The following JMJD1C variants were observed in gnomAD, a reference collection of about 807,000 sequenced individuals.
JMJD1C encodes jumonji domain-containing protein 1C.
JMJD1C carries 31 observed loss-of-function variants against 245.3 expected under a neutral mutation model. The ratio of observed to expected loss-of-function variants is 0.13; its 90% CI spans 0.09 to 0.17. The LOEUF (loss-of-function observed/expected upper bound fraction) is 0.17. JMJD1C is among the 10% of genes least tolerant of loss of function. JMJD1C has a pLI of 1.00. For synonymous variants in JMJD1C, 1,057 were observed against 1,017.4 expected, an observed-to-expected ratio of 1.04 and a Z score of -0.74; for missense variants, 2,691 against 3,000.2, an observed-to-expected ratio of 0.90 and a Z score of 2.41.
Position 63,190,983 on chromosome 10 carries a change from C to T in JMJD1C, c.6202G>A (p.Asp2068Asn). 2 of 1,614,158 alleles carry T rather than the reference C, an allele frequency of 1.2e-6. No individual in the cohort carries two copies. Among genetic ancestry groups the T allele is most frequent in the Non-Finnish European group, 8.5e-7 (1 of 1,179,996 alleles). The change falls in exon 17 of 26, where the codon GAT becomes AAT. Residue 2068 changes from aspartate to asparagine, a missense_variant. Asp to Asn is a conservative substitution (Grantham distance 23). Around this residue, in one of 9 missense-constraint regions of JMJD1C, gnomAD observed 275 missense variants for 285.5 expected, o/e 0.96. Transcript: ENST00000399262. Reference protein sequence around the residue: ...QNNEQGSTLRDLLTTTAGKLR... With the variant: ...QNNEQGSTLRNLLTTTAGKLR... The stretch of plus-strand genomic sequence containing the variant: ...TTTCCAGCTGTTGTAGTCAGCAAAT[C>T]CCGTAAGGTTGAGCCTTGTTCATTA...
At chr10:63,379,245 A>C (rs534218323) in intron 2 of JMJD1C, among the ~76,000 whole-genome samples, 1 of 152,270 alleles carries the variant, frequency 6.6e-6, no homozygotes, top group South Asian at 2.1e-4. Flanking sequence ...CTAACTCATT[A>C]GTTATATCAA....
At chr10:63,371,150 T>TC in intron 2 of JMJD1C, among the ~76,000 whole-genome samples, 1 of 151,514 alleles carries the variant, frequency 6.6e-6, no homozygotes, top group East Asian at 1.9e-4. Context: ...GGCTAATTTT[T>TC]TTTTTTTTTT....
At chr10:63,234,773 AAAT>A (rs1012155375) in intron 3 of JMJD1C, among the ~76,000 whole-genome samples, 4 of 151,854 alleles carry the variant, frequency 2.6e-5, no homozygotes, top group Non-Finnish European at 4.4e-5. Flanking sequence ...TCTCTATTTA[AAAT>A]AATAATAATA....
At chr10:63,511,120 TCA>T (rs1424009467) in intron 1 of JMJD1C, among the ~76,000 whole-genome samples, 5 of 152,222 alleles carry the variant, frequency 3.3e-5, no homozygotes, top group Non-Finnish European at 7.3e-5. Context: ...GCTTTTTAAT[TCA>T]CTCTACTAAT....
chr10:63,343,211 TAAAA>T (rs1564811101), intron 2 of JMJD1C, among the ~76,000 whole-genome samples: 1 of 151,786 alleles, frequency 6.6e-6, no homozygotes, highest in Non-Finnish European at 1.5e-5. Flanking sequence ...AAAATTTTTT[TAAAA>T]ATTGGCTGGG....
intron 13 of JMJD1C, among the ~76,000 whole-genome samples, chr10:63,195,755 C>T (rs917320381): frequency 2.0e-5 from 3 of 151,070 alleles, no homozygotes; most frequent in South Asian, 2.1e-4. Context: ...GGTGAAAACC[C>T]GTCCCTACTA....
intron 18 of JMJD1C, 138 bp from the exon 19 acceptor site, chr10:63,186,521 C>A: frequency 3.5e-6 from 2 of 578,592 alleles, no homozygotes; most frequent in Non-Finnish European, 5.7e-6. Context: ...TGACTGTCAC[C>A]CTTTGGGCTC....
chr10:63,336,933 T>C (rs1477001111), intron 2 of JMJD1C, among the ~76,000 whole-genome samples: 1 of 152,078 alleles, frequency 6.6e-6, no homozygotes, highest in Non-Finnish European at 1.5e-5. Flanking sequence ...CTCCGCCTTC[T>C]GTGTTCAAGC....
intron 2 of JMJD1C, among the ~76,000 whole-genome samples, chr10:63,372,613 G>C (rs1946400077): frequency 6.6e-6 from 1 of 152,054 alleles, no homozygotes; most frequent in African/African-American, 2.4e-5. Context: ...TCCCAGTAGG[G>C]TTCTTTTTCA....
intron 10 of JMJD1C, among the ~76,000 whole-genome samples, chr10:63,201,257 C>T (rs1192307181): frequency 6.6e-6 from 1 of 152,054 alleles, no homozygotes; most frequent in Non-Finnish European, 1.5e-5. Context: ...CTCCTAACAT[C>T]TTTCCTTTAT....
intron 1 of JMJD1C, among the ~76,000 whole-genome samples, chr10:63,439,652 T>C (rs900392841): frequency 2.0e-5 from 3 of 152,298 alleles, no homozygotes; most frequent in African/African-American, 2.4e-5. Flanking sequence ...ATCTTATTCA[T>C]AGTTATCCTT....
intron 3 of JMJD1C, among the ~76,000 whole-genome samples, chr10:63,258,963 G>A (rs969597690): frequency 1.3e-5 from 2 of 152,116 alleles, no homozygotes; most frequent in South Asian, 4.1e-4. Flanking sequence ...AATTACGGAA[G>A]TATACTAATA....
chr10:63,470,138 T>G (rs566118984), upstream of JMJD1C, among the ~76,000 whole-genome samples: 5 of 152,254 alleles, frequency 3.3e-5, no homozygotes, highest in South Asian at 1.0e-3. Flanking sequence ...CACCATTTAT[T>G]GTGTAATTGA....
At chr10:63,326,570 G>A (rs941007617) in intron 2 of JMJD1C, among the ~76,000 whole-genome samples, 2 of 151,418 alleles carry the variant, frequency 1.3e-5, no homozygotes, top group Non-Finnish European at 2.9e-5. Context: ...ATTGGACACT[G>A]ACACATTACT....
Position 63,216,812 on chromosome 10 carries a change from G to A in JMJD1C, c.678+395C>T, listed in dbSNP as rs529313351. Among the ~76,000 whole-genome samples the A allele has an allele frequency of 1.3e-3, 195 of 152,322 alleles. 2 individuals carry two copies. Among genetic ancestry groups the A allele is most frequent in the Middle Eastern group, 3.4e-3 (1 of 294 alleles). On this transcript the variant is annotated intron_variant, in intron 5 of 25. Transcript: ENST00000399262. The stretch of plus-strand genomic sequence containing the variant: ...GAGCATACCAACACTGACATTTGAT[G>A]TGAGAAGAAATGTACTGTGTGTTTA...
In JMJD1C at chr10:63,214,647, T is replaced by C; in HGVS notation, c.1520A>G (p.Lys507Arg). The change falls in exon 8 of 26, where the codon AAA becomes AGA. Residue 507 changes from lysine (K) to arginine (R), a missense_variant. Physicochemically the swap from Lys to Arg is conservative, Grantham distance 26. This residue lies in a region of JMJD1C where 1,562 missense variants were observed against 1,490.7 expected (regional missense o/e 1.05). Coordinates refer to ENST00000399262, the MANE Select transcript of JMJD1C (RefSeq NM_032776.3). ...GTCATTTGTAATATCAATAACACATTTTGGTGTGGGTGGTCTGGATACAAA... is the reference window on the plus strand; with the variant it reads ...GTCATTTGTAATATCAATAACACATCTTGGTGTGGGTGGTCTGGATACAAA... ...EKFVSRPPTPKCVIDITNDTN... is the reference protein window; with the variant it reads ...EKFVSRPPTPRCVIDITNDTN... 1.2e-6 allele frequency: 2 copies of C among 1,614,108 alleles called. No individual in the cohort carries two copies. Among genetic ancestry groups the C allele is most frequent in the Non-Finnish European group, 1.7e-6 (2 of 1,180,002 alleles).
chr10:63,430,757 A>C (rs1369020728), intron 1 of JMJD1C, among the ~76,000 whole-genome samples: 1 of 152,160 alleles, frequency 6.6e-6, no homozygotes, highest in Admixed American at 6.5e-5. Flanking sequence ...AAAACTATCT[A>C]ATTTATTTAT....
chr10:63,242,154 C>T (rs1332150445), intron 3 of JMJD1C, among the ~76,000 whole-genome samples: 1 of 152,074 alleles, frequency 6.6e-6, no homozygotes, highest in Non-Finnish European at 1.5e-5. Flanking sequence ...ATACTAAGGG[C>T]TAGGGTGATA....
At chr10:63,520,240 T>C (rs545336969) in intron 1 of JMJD1C, among the ~76,000 whole-genome samples, 2 of 152,162 alleles carry the variant, frequency 1.3e-5, no homozygotes, top group South Asian at 2.1e-4. Context: ...CAGTGCCTCA[T>C]ATCACCCTTG....
Sources: allele counts gnomAD v4.1 joint callset (sites outside exome capture counted in the v4.1 genomes callset), GRCh38; gene constraint gnomAD v4.1.1; regional missense constraint gnomAD v4.1.1; transcripts MANE v1.5; gene names NCBI Gene and HGNC (gene_info 2026-07-23, HGNC 2026-07-21).